RIMS1: variants seen among roughly 807,000 people sequenced by gnomAD.
RIMS1 encodes the protein regulating synaptic membrane exocytosis protein 1.
In RIMS1, 83 loss-of-function variants were observed where a neutral mutation model predicts 214.1. The ratio of observed to expected loss-of-function variants is 0.39; its 90% CI spans 0.32 to 0.47. The LOEUF is 0.47. RIMS1 is among the 20% of genes least tolerant of loss of function. The pLI is 0.99. For missense variants in RIMS1, 2,050 were observed against 2,161.8 expected (o/e 0.95, Z 1.03); for synonymous variants, 793 against 786.8 (o/e 1.01, Z -0.13).
At chr6:71,930,597 C>A (rs1363240755) in intron 1 of RIMS1, among the ~76,000 whole-genome samples, 1 of 152,010 alleles carries the variant, frequency 6.6e-6, no homozygotes, top group Non-Finnish European at 1.5e-5. Context: ...CCTTTAATTT[C>A]TTTTCTTCTG....
intron 26 of RIMS1, among the ~76,000 whole-genome samples, chr6:72,293,949 T>C (rs527316550): frequency 6.6e-6 from 1 of 151,702 alleles, no homozygotes; most frequent in African/African-American, 2.4e-5. Flanking sequence ...TTTTGGTTAT[T>C]TGAGTTTCCT....
chr6:72,142,268 G>A (rs1274472205), intron 4 of RIMS1, among the ~76,000 whole-genome samples: 1 of 151,936 alleles, frequency 6.6e-6, no homozygotes, highest in East Asian at 1.9e-4. Flanking sequence ...TACAAAGCAG[G>A]TATGCCTAAC....
At chr6:72,225,545 A>C (rs757753095) in intron 6 of RIMS1, among the ~76,000 whole-genome samples, 1 of 152,118 alleles carries the variant, frequency 6.6e-6, no homozygotes. Flanking sequence ...TGTTCTTGTA[A>C]TGTCTTTGCT....
At chr6:71,977,022 G>A (rs377682929) in intron 2 of RIMS1, among the ~76,000 whole-genome samples, 1 of 152,064 alleles carries the variant, frequency 6.6e-6, no homozygotes, top group Admixed American at 6.6e-5. Context: ...TTCAGACTGC[G>A]TGGTCTAATG....
chr6:72,190,717 A>G (rs1468001159), intron 6 of RIMS1, among the ~76,000 whole-genome samples: 3 of 152,048 alleles, frequency 2.0e-5, no homozygotes, highest in Non-Finnish European at 4.4e-5. Context: ...CATGTAACTT[A>G]CTTGTGCCTC....
intron 4 of RIMS1, among the ~76,000 whole-genome samples, chr6:72,149,185 G>C (rs2043170770): frequency 6.6e-6 from 1 of 152,178 alleles, no homozygotes; most frequent in African/African-American, 2.4e-5. Context: ...TCTAAGAATA[G>C]ACAGAAACTG....
chr6:71,992,404 C>CTCTCTT (rs1252103778), intron 2 of RIMS1, among the ~76,000 whole-genome samples: 245 of 110,160 alleles, frequency 2.2e-3, no homozygotes, highest in Non-Finnish European at 1.3e-3. Context: ...TTCTCTCTCT[C>CTCTCTT]TCTTTCTTTC....
chr6:72,095,107 C>A (rs912554629), intron 2 of RIMS1, among the ~76,000 whole-genome samples: 2 of 142,282 alleles, frequency 1.4e-5, no homozygotes, highest in South Asian at 2.3e-4. Context: ...ACCGCCACCA[C>A]GCCCGACTAT....
At chr6:72,038,469 G>A (rs1245393739) in intron 2 of RIMS1, among the ~76,000 whole-genome samples, 1 of 152,008 alleles carries the variant, frequency 6.6e-6, no homozygotes, top group Non-Finnish European at 1.5e-5. Context: ...CTTTAAAGAC[G>A]TGTTAGGGCT....
chr6:72,105,544 T>G (rs1000542467), intron 4 of RIMS1, among the ~76,000 whole-genome samples: 1 of 152,286 alleles, frequency 6.6e-6, no homozygotes, highest in Admixed American at 6.5e-5. Context: ...TTTATTCATT[T>G]ATTCAGGGAT....
intron 29 of RIMS1, among the ~76,000 whole-genome samples, chr6:72,359,335 A>T (rs528754931): frequency 6.6e-6 from 1 of 152,246 alleles, no homozygotes; most frequent in Non-Finnish European, 1.5e-5. Context: ...CTTCATGATT[A>T]TCTATGCTGC....
At chr6:72,008,658 G>A (rs1808880605) in intron 2 of RIMS1, among the ~76,000 whole-genome samples, 1 of 152,026 alleles carries the variant, frequency 6.6e-6, no homozygotes, top group Admixed American at 6.6e-5. Flanking sequence ...AACAAAAAAA[G>A]GCAGGGGTTG....
intron 26 of RIMS1, among the ~76,000 whole-genome samples, chr6:72,303,888 A>T (rs1308989729): frequency 1.3e-5 from 2 of 151,770 alleles, no homozygotes; most frequent in East Asian, 1.9e-4. Context: ...GTAATATTAC[A>T]TCTGAGGAAC....
chr6:72,329,145 C>T (rs896102644), intron 28 of RIMS1, among the ~76,000 whole-genome samples: 5 of 151,860 alleles, frequency 3.3e-5, no homozygotes, highest in African/African-American at 9.7e-5. Context: ...GAAAAGGCAT[C>T]CTTGGGCTTA....
intron 28 of RIMS1, among the ~76,000 whole-genome samples, chr6:72,315,893 G>C (rs1409031247): frequency 1.3e-5 from 2 of 152,100 alleles, no homozygotes; most frequent in Non-Finnish European, 2.9e-5. Context: ...GTAACACTAT[G>C]AGGAATAATT....
At chr6:72,302,671 C>T (rs2154274391) in intron 26 of RIMS1, among the ~76,000 whole-genome samples, 1 of 151,636 alleles carries the variant, frequency 6.6e-6, no homozygotes, top group East Asian at 1.9e-4. Context: ...TGCTATACAA[C>T]AAGGAAGCAG....
chr6:72,269,743 T>G (rs1355953947), intron 22 of RIMS1, among the ~76,000 whole-genome samples: 17 of 152,204 alleles, frequency 1.1e-4, no homozygotes, highest in Admixed American at 9.8e-4. Context: ...CTTCTCCAGT[T>G]CCAGTGACAC....
Position 71,972,293 on chromosome 6 carries a change from A to G in RIMS1, c.245+3230A>G, listed in dbSNP as rs184821708. Among the ~76,000 whole-genome samples, 201 of 152,294 alleles carry G rather than the reference A, an allele frequency of 1.3e-3. 1 individual carries two copies. Among genetic ancestry groups the G allele is most frequent in the African/African-American group, 4.5e-3 (188 of 41,564 alleles). On this transcript the variant is annotated intron_variant, in intron 2 of 33. Coordinates refer to ENST00000521978, the MANE Select transcript of RIMS1 (RefSeq NM_014989.7). The stretch of plus-strand genomic sequence containing the variant: ...GCATTTACCATAGCATTTTCAATAT[A>G]TAAGTGGGTGGAAATGCTGTACTTC...
At chr6:72,007,008 G>C (rs1314398719) in intron 2 of RIMS1, among the ~76,000 whole-genome samples, 1 of 152,196 alleles carries the variant, frequency 6.6e-6, no homozygotes, top group Non-Finnish European at 1.5e-5. Context: ...GGAGATCTGA[G>C]AACGGACAGA....
Sources: gnomAD v4.1 joint callset for allele counts (sites outside exome capture counted in the v4.1 genomes callset) on GRCh38, gnomAD v4.1.1 for gene constraint, MANE v1.5 for transcripts, NCBI Gene and HGNC (gene_info 2026-07-23, HGNC 2026-07-21) for gene names.